The following NCOR2 variants were observed in gnomAD, a reference collection of about 807,000 sequenced individuals.
NCOR2 encodes the protein nuclear receptor corepressor 2, also known as CTG repeat protein 26.
In NCOR2, 81 loss-of-function variants were observed where a neutral mutation model predicts 262.9. The ratio of observed to expected loss-of-function variants is 0.31; its 90% CI spans 0.26 to 0.37. The LOEUF (loss-of-function observed/expected upper bound fraction) is 0.37. Among genes scored for constraint, NCOR2 ranks in the 10% least tolerant of loss-of-function variants. The pLI, the probability that NCOR2 is intolerant of heterozygous loss-of-function variation, is 1.00. For synonymous variants in NCOR2, 1,659 were observed against 1,559.3 expected, an observed-to-expected ratio of 1.06 and a Z score of -1.51; for missense variants, 3,385 against 3,621.4, an observed-to-expected ratio of 0.93 and a Z score of 1.68.
intron 7 of NCOR2, among the ~76,000 whole-genome samples, chr12:124,439,345 AGAGAGAGG>A (rs2044666709): frequency 1.1e-5 from 1 of 91,724 alleles, no homozygotes; most frequent in Non-Finnish European, 2.4e-5. Context: ...AGAGACCCAG[AGAGAGAGG>A]GAGACAGAGA....
chr12:124,430,825 G>A lies in NCOR2; in HGVS notation c.883-38C>T, dbSNP rs766409235. 11 of 1,558,948 alleles carry A rather than the reference G, an allele frequency of 7.1e-6. No homozygotes were observed. In the South Asian group the frequency reaches 1.3e-4, roughly 18 times the overall value. ...AGGGGGCACTGCGGAAGATGCTCCTGCACCTGGCACCCGCCGCCTCCCCCC... is the reference window on the plus strand; with the variant it reads ...AGGGGGCACTGCGGAAGATGCTCCTACACCTGGCACCCGCCGCCTCCCCCC... On this transcript the variant is annotated intron_variant, in intron 8 of 46. Coordinates refer to ENST00000405201, the Ensembl canonical transcript of NCOR2.
At chr12:124,433,106 G>A (rs929119763) in intron 8 of NCOR2, among the ~76,000 whole-genome samples, 2 of 152,168 alleles carry the variant, frequency 1.3e-5, no homozygotes, top group Non-Finnish European at 2.9e-5. Context: ...ATCCTCGACA[G>A]CCCCGTGACC....
At position 124,449,383 on chromosome 12, in the gene NCOR2, T is replaced by C. The variant is rs540537670; in HGVS notation, c.815+432A>G. ...GGGACCTCTCTGTGCAGACACCAGG[T>C]GATTCCCAAACATGCTTATGCCAGA... On this transcript the variant is annotated intron_variant, in intron 7 of 46. Coordinates refer to ENST00000405201, the Ensembl canonical transcript of NCOR2. 7.2e-4 allele frequency among the ~76,000 whole-genome samples: 109 copies of C among 152,240 alleles called. No homozygotes were observed. In the East Asian group the frequency reaches 0.011, roughly 15 times the overall value.
chr12:124,485,107 C>T (rs1354157909), intron 2 of NCOR2, among the ~76,000 whole-genome samples: 1 of 152,230 alleles, frequency 6.6e-6, no homozygotes, highest in Non-Finnish European at 1.5e-5. Context: ...GCAGGAAGCG[C>T]ATGGTGTTTT....
intron 1 of NCOR2, among the ~76,000 whole-genome samples, chr12:124,554,165 C>T (rs1005788257): frequency 6.6e-6 from 1 of 152,232 alleles, no homozygotes; most frequent in Non-Finnish European, 1.5e-5. Flanking sequence ...CACGACAAAA[C>T]GCCTTCCTTG....
chr12:124,474,199 A>G (rs1448599940), intron 3 of NCOR2, among the ~76,000 whole-genome samples: 2 of 152,168 alleles, frequency 1.3e-5, no homozygotes, highest in Non-Finnish European at 2.9e-5. Context: ...CAGTCCAAAC[A>G]CGCAAGTTCC....
At chr12:124,398,702 C>T (rs981924326) in intron 15 of NCOR2, among the ~76,000 whole-genome samples, 1 of 152,258 alleles carries the variant, frequency 6.6e-6, no homozygotes, top group Non-Finnish European at 1.5e-5. Context: ...CTGGACTCTG[C>T]ACGCTGGACT....
intron 16 of NCOR2, among the ~76,000 whole-genome samples, chr12:124,388,988 G>A (rs375329530): frequency 2.8e-4 from 42 of 151,982 alleles, no homozygotes; most frequent in Non-Finnish European, 5.1e-4. Context: ...GTGGTGGCCC[G>A]GGGCTCCTCC....
At chr12:124,376,297 A>G (rs2039989484) in intron 18 of NCOR2, among the ~76,000 whole-genome samples, 1 of 152,198 alleles carries the variant, frequency 6.6e-6, no homozygotes, top group South Asian at 2.1e-4. Flanking sequence ...AAGCTCTGCA[A>G]GCGATGCGGG....
In NCOR2 at chr12:124,432,561, A is replaced by G. The variant is rs1252309614; in HGVS notation, c.883-1774T>C. Among the ~76,000 whole-genome samples the G allele has an allele frequency of 6.6e-6, 1 of 152,084 alleles. No individual in the cohort carries two copies. Among genetic ancestry groups the G allele is most frequent in the Non-Finnish European group, 1.5e-5 (1 of 68,008 alleles). On this transcript the variant is annotated intron_variant, in intron 8 of 46. Transcript: ENST00000405201. This position sits in a 1 kb window ranked among gnomAD's most constrained non-coding sequence, Gnocchi z 5.1. ...CAGCCCGGATGGAGCCCACTGCCACACCACAGGAAGCTGTGCTGTACAACA... is the reference window on the plus strand; with the variant it reads ...CAGCCCGGATGGAGCCCACTGCCACGCCACAGGAAGCTGTGCTGTACAACA...
chr12:124,336,559 A>C, intron 38 of NCOR2, 194 bp downstream of exon 40: 2 of 969,778 alleles, frequency 2.1e-6, no homozygotes, highest in African/African-American at 1.8e-5. Flanking sequence ...AACAAAAAAA[A>C]CGGGGGCCAA....
At chr12:124,439,280 G>A (rs2044653657) in intron 7 of NCOR2, among the ~76,000 whole-genome samples, 1 of 115,960 alleles carries the variant, frequency 8.6e-6, no homozygotes, top group Non-Finnish European at 2.0e-5. Context: ...CTGAGACAGA[G>A]GGAGAGAGAG....
intron 37 of NCOR2, among the ~76,000 whole-genome samples, chr12:124,338,314 C>G (rs2036063735): frequency 6.6e-6 from 1 of 152,112 alleles, no homozygotes. Flanking sequence ...TTGAGACCAG[C>G]CTGGCCAACG....
intron 14 of NCOR2, among the ~76,000 whole-genome samples, 176 bp downstream of exon 16, chr12:124,402,228 G>A (rs1183835039): frequency 3.3e-5 from 5 of 152,076 alleles, no homozygotes; most frequent in Admixed American, 6.5e-5. Flanking sequence ...GGAGTAGGGC[G>A]ATGGGTGGGC....
Position 124,495,014 on chromosome 12 carries a change from G to T in NCOR2, c.105+133C>A. 1.8e-6 allele frequency: 2 copies of T among 1,090,000 alleles called. No individual in the cohort carries two copies. The highest frequency in any genetic ancestry group is 2.6e-6 in the Non-Finnish European group (2 of 776,552). 67.5% of individuals were successfully genotyped at this position (1,090,000 alleles called of 1,614,324 possible). On this transcript the variant is annotated intron_variant, in intron 1 of 46. Coordinates refer to ENST00000405201, the Ensembl canonical transcript of NCOR2. This position sits in a 1 kb window ranked among gnomAD's most constrained non-coding sequence, Gnocchi z 4.4. ...TCAGACACCAGGGGTCTCTGTGGCG[G>T]CCTCCCCTCTGCCCTGGGAGGCTCA... is the stretch of plus-strand genomic sequence containing the variant.
exon 36 of NCOR2, chr12:124,340,393 C>T (rs1018108818): frequency 6.2e-7 from 1 of 1,612,996 alleles, no homozygotes; most frequent in Non-Finnish European, 8.5e-7. Flanking sequence ...CGGTCTCGCT[C>T]CCGCTCGGAC....
exon 38 of NCOR2, chr12:124,337,174 G>A: frequency 6.5e-7 from 1 of 1,541,250 alleles, no homozygotes; most frequent in Non-Finnish European, 8.8e-7. Flanking sequence ...AGGAGGTGGA[G>A]GTGGACCTGG....
At chr12:124,460,451 C>T (rs2046106174) in intron 5 of NCOR2, among the ~76,000 whole-genome samples, 1 of 152,238 alleles carries the variant, frequency 6.6e-6, no homozygotes. Flanking sequence ...GGCCACCAAG[C>T]TGCTATCGTC....
intron 7 of NCOR2, among the ~76,000 whole-genome samples, chr12:124,448,652 G>T (rs2045334743): frequency 6.6e-6 from 1 of 152,224 alleles, no homozygotes; most frequent in Non-Finnish European, 1.5e-5. Context: ...ATGACCAGGT[G>T]GCCAAGTTGA....
Sources: gnomAD v4.1 joint callset for allele counts (sites outside exome capture counted in the v4.1 genomes callset) on GRCh38, gnomAD v4.1.1 for gene constraint, Gnocchi (gnomAD v3.1) non-coding constraint, MANE v1.5 for transcripts, NCBI Gene and HGNC (gene_info 2026-07-23, HGNC 2026-07-21) for gene names.